The following F13A1 variants were observed in gnomAD, a reference collection of about 807,000 sequenced individuals.
F13A1 encodes the protein FSF, A subunit.
In F13A1, 47 loss-of-function variants were observed where a neutral mutation model predicts 80.1. That is an observed-to-expected ratio of 0.59 (90% confidence interval 0.46 to 0.75). F13A1 has a LOEUF of 0.75. Ranked by LOEUF, F13A1 falls within the 30% of genes least tolerant of loss-of-function variation. F13A1 has a pLI of 0.00. For synonymous variants in F13A1, 349 were observed against 344.9 expected (o/e 1.01, Z -0.13); for missense variants, 817 against 930.4 (o/e 0.88, Z 1.59).
At chr6:6,204,379 A>G (rs1436918365) in intron 8 of F13A1, among the ~76,000 whole-genome samples, 1 of 152,246 alleles carries the variant, frequency 6.6e-6, no homozygotes, top group Non-Finnish European at 1.5e-5. Flanking sequence ...ACCAACTTCA[A>G]CTGTAAACCA....
intron 13 of F13A1, 134 bp from the exon 14 acceptor site, chr6:6,152,083 A>T: frequency 9.9e-7 from 1 of 1,013,750 alleles, no homozygotes. Context: ...TGTGATGAGG[A>T]TAGCTGATTG....
At chr6:6,185,384 TTTGGTTTTTGG>T (rs1761061580) in intron 10 of F13A1, among the ~76,000 whole-genome samples, 1 of 144,744 alleles carries the variant, frequency 6.9e-6, no homozygotes, top group Non-Finnish European at 1.5e-5. Flanking sequence ...ATATGCGGTG[TTTGGTTTTTGG>T]TTCTTGAGAT....
At chr6:6,253,142 CAAAAA>C (rs397886568) in intron 4 of F13A1, among the ~76,000 whole-genome samples, 1 of 73,946 alleles carries the variant, frequency 1.4e-5, no homozygotes. Context: ...GAATCTGTCC[CAAAAA>C]AAAAAAAAAA....
At position 6,278,740 on chromosome 6, in the gene F13A1, G is replaced by C. The variant is rs573166403; in HGVS notation, c.320-11931C>G. Among the ~76,000 whole-genome samples, 9 of 152,258 alleles carry C rather than the reference G, an allele frequency of 5.9e-5. No individual in the cohort carries two copies. The South Asian group carries it at 1.7e-3, about 28-fold the overall frequency. On this transcript the variant is annotated intron_variant, in intron 3 of 14. Transcript: ENST00000264870. ...CCTGAGCAGGGGAATTGTGGGAGACGAGAAAGTTCCTGGAGCAGGGGAAAC... is the reference window on the plus strand; with the variant it reads ...CCTGAGCAGGGGAATTGTGGGAGACCAGAAAGTTCCTGGAGCAGGGGAAAC...
At chr6:6,292,606 C>T (rs540142741) in intron 3 of F13A1, among the ~76,000 whole-genome samples, 43 of 152,276 alleles carry the variant, frequency 2.8e-4, no homozygotes, top group Admixed American at 2.0e-4. Flanking sequence ...CATCCAACAC[C>T]GCCGCTGGCT....
chr6:6,211,597 A>T (rs1259458999), intron 8 of F13A1, among the ~76,000 whole-genome samples: 1 of 152,252 alleles, frequency 6.6e-6, no homozygotes, highest in Non-Finnish European at 1.5e-5. Flanking sequence ...ATAATTTTAC[A>T]ATATAAAAGT....
intron 4 of F13A1, among the ~76,000 whole-genome samples, chr6:6,266,051 C>T (rs992518754): frequency 6.6e-5 from 10 of 152,144 alleles, no homozygotes; most frequent in African/African-American, 7.2e-5. Context: ...CAATTAATCC[C>T]GAAATAAATG....
intron 8 of F13A1, among the ~76,000 whole-genome samples, chr6:6,200,332 C>T (rs907164260): frequency 4.2e-4 from 64 of 151,946 alleles, no homozygotes; most frequent in African/African-American, 1.5e-3. Flanking sequence ...TTTAGGAGGC[C>T]GAGGCAGGAG....
chr6:6,297,008 G>A (rs917668074), intron 3 of F13A1, among the ~76,000 whole-genome samples: 1 of 146,750 alleles, frequency 6.8e-6, no homozygotes, highest in East Asian at 1.9e-4. Flanking sequence ...AGATAATCAT[G>A]TGGTTTTTGT....
intron 2 of F13A1, among the ~76,000 whole-genome samples, chr6:6,313,591 A>T (rs1456743325): frequency 2.0e-5 from 3 of 152,176 alleles, no homozygotes; most frequent in Non-Finnish European, 4.4e-5. Flanking sequence ...TATACTAGGA[A>T]TTCCCTAGTG....
rs370622930 is a variant in F13A1, at chr6:6,242,101, T to A, written c.798+6211A>T. Among the ~76,000 whole-genome samples the A allele has an allele frequency of 1.5e-4, 23 of 152,194 alleles. 1 individual carries two copies. The highest frequency in any genetic ancestry group is 3.2e-4 in the Non-Finnish European group (22 of 68,028). On this transcript the variant is annotated intron_variant, in intron 6 of 14. Coordinates refer to ENST00000264870, the MANE Select transcript of F13A1 (RefSeq NM_000129.4). The stretch of plus-strand genomic sequence containing the variant: ...GGACAAAAAGAGGGGGAGGAAAAGA[T>A]GGACAAAGGGAAAATAACTTTATTT...
intron 3 of F13A1, among the ~76,000 whole-genome samples, chr6:6,267,602 T>C (rs900809394): frequency 2.0e-5 from 3 of 152,226 alleles, no homozygotes; most frequent in African/African-American, 7.2e-5. Context: ...ATGGGACCCA[T>C]AATTCATTTA....
At chr6:6,273,582 A>C (rs1757949551) in intron 3 of F13A1, among the ~76,000 whole-genome samples, 1 of 152,236 alleles carries the variant, frequency 6.6e-6, no homozygotes, top group South Asian at 2.1e-4. Context: ...GAACACAGGA[A>C]TCTATCATGT....
At chr6:6,182,892 C>T (rs969966959) in intron 10 of F13A1, among the ~76,000 whole-genome samples, 1 of 152,106 alleles carries the variant, frequency 6.6e-6, no homozygotes, top group Non-Finnish European at 1.5e-5. Flanking sequence ...TTAAATTGAA[C>T]AATAATATTA....
At chr6:6,218,626 G>T (rs1583077868) in intron 8 of F13A1, among the ~76,000 whole-genome samples, 1 of 152,156 alleles carries the variant, frequency 6.6e-6, no homozygotes, top group African/African-American at 2.4e-5. Flanking sequence ...CAGCTAAGGA[G>T]CTCAGACCAT....
Position 6,297,588 on chromosome 6 carries a change from G to A in F13A1, c.319+7763C>T, listed in dbSNP as rs1355394426. Among the ~76,000 whole-genome samples, 20 of 149,682 alleles carry A rather than the reference G, an allele frequency of 1.3e-4. 1 individual carries two copies. Among genetic ancestry groups the A allele is most frequent in the Admixed American group, 1.3e-3 (20 of 15,160 alleles). On this transcript the variant is annotated intron_variant, in intron 3 of 14. Coordinates refer to ENST00000264870, the MANE Select transcript of F13A1 (RefSeq NM_000129.4). ...AGTTTGTATTTCTGTGGGATCGGTG[G>A]TGATATCCCCTTTATCATTTTTTAT... is the stretch of plus-strand genomic sequence containing the variant.
At chr6:6,217,767 A>G (rs887263280) in intron 8 of F13A1, among the ~76,000 whole-genome samples, 8 of 152,352 alleles carry the variant, frequency 5.3e-5, no homozygotes, top group African/African-American at 1.9e-4. Context: ...GAAACACCAT[A>G]TGAGTACTGA....
At chr6:6,195,091 TC>T (rs1223409623) in intron 10 of F13A1, among the ~76,000 whole-genome samples, 2 of 152,228 alleles carry the variant, frequency 1.3e-5, no homozygotes, top group Non-Finnish European at 2.9e-5. Context: ...AGCCCAGCCT[TC>T]TCGTTTACCC....
intron 8 of F13A1, among the ~76,000 whole-genome samples, chr6:6,218,981 C>T (rs1335378530): frequency 6.6e-6 from 1 of 152,162 alleles, no homozygotes. Flanking sequence ...TGAGACCTAA[C>T]TGGACAAACT....
Sources: gnomAD v4.1 joint callset for allele counts (sites outside exome capture counted in the v4.1 genomes callset) on GRCh38, gnomAD v4.1.1 for gene constraint, MANE v1.5 for transcripts, NCBI Gene and HGNC (gene_info 2026-07-23, HGNC 2026-07-21) for gene names.